Variants in LRFN2 observed in about 807,000 individuals in gnomAD.
LRFN2 encodes leucine rich repeat and fibronectin type III domain containing 2, also known as leucine-rich repeat and fibronectin type-III domain-containing protein 2.
A neutral mutation model predicts 37.3 loss-of-function variants in LRFN2; 18 were observed. The observed-to-expected ratio is 0.48, with a 90% CI of 0.33 to 0.72. LRFN2 has a LOEUF of 0.72. Among genes scored for constraint, LRFN2 ranks in the 30% least tolerant of loss-of-function variants. The pLI, the probability that LRFN2 is intolerant of heterozygous loss-of-function variation, is 0.02. For missense variants in LRFN2, 1,006 were observed against 1,060.7 expected (o/e 0.95, Z 0.72); for synonymous variants, 556 against 466.6 (o/e 1.19, Z -2.47).
At chr6:40,532,363 T>A (rs1169709824) in intron 1 of LRFN2, among the ~76,000 whole-genome samples, 1 of 152,244 alleles carries the variant, frequency 6.6e-6, no homozygotes, top group Non-Finnish European at 1.5e-5. Context: ...CTAATAGCTA[T>A]TTGTTTTATA....
rs191252714 is a variant in LRFN2 at position 40,582,266 on chromosome 6, C to T, written c.-19+4675G>A. ...TGCTTCTTTAGGTTGTTTCTGGGCA[C>T]GTGAACTGTAGCTTAGCTCCTGCTG... On this transcript the variant is annotated intron_variant, in intron 1 of 2. Coordinates refer to ENST00000338305, the MANE Select transcript of LRFN2 (RefSeq NM_020737.3). Among the ~76,000 whole-genome samples the T allele has an allele frequency of 3.8e-3, 577 of 151,974 alleles. 3 individuals are homozygous for T. The highest frequency in any genetic ancestry group is 0.012 in the African/African-American group (514 of 41,490).
chr6:40,470,690 C>A (rs553510220), intron 1 of LRFN2, among the ~76,000 whole-genome samples: 2 of 152,182 alleles, frequency 1.3e-5, no homozygotes, highest in Non-Finnish European at 2.9e-5. Flanking sequence ...GGCAGAGCAG[C>A]CAGTGGTGAG....
intron 1 of LRFN2, among the ~76,000 whole-genome samples, chr6:40,493,546 C>G (rs1470112154): frequency 6.6e-6 from 1 of 152,174 alleles, no homozygotes; most frequent in East Asian, 1.9e-4. Flanking sequence ...CTGTCTAGCA[C>G]CCACACTACA....
intron 1 of LRFN2, among the ~76,000 whole-genome samples, chr6:40,481,546 G>A (rs1764833560): frequency 6.6e-6 from 1 of 152,134 alleles, no homozygotes; most frequent in Non-Finnish European, 1.5e-5. Flanking sequence ...CTATCTCGGG[G>A]ATCAGAATCA....
rs533441286 is a variant in LRFN2 at position 40,574,203 on chromosome 6, T to C, written c.-19+12738A>G. Among the ~76,000 whole-genome samples, 5 of 152,332 alleles carry C rather than the reference T, an allele frequency of 3.3e-5. No homozygotes were observed. The East Asian group carries it at 5.8e-4, about 18-fold the overall frequency. ...ACAAACACTTTAATAACATATGCCA[T>C]GTGCCAGGTGCTGTAGCATTTTGTA... is the stretch of plus-strand genomic sequence containing the variant. On this transcript the variant is annotated intron_variant, in intron 1 of 2. Transcript: ENST00000338305.
intron 1 of LRFN2, among the ~76,000 whole-genome samples, chr6:40,545,027 C>A (rs563877164): frequency 1.3e-5 from 2 of 152,218 alleles, no homozygotes; most frequent in African/African-American, 4.8e-5. Flanking sequence ...AGTGGCTGAC[C>A]CAGGGTCAGT....
chr6:40,414,063 G>A (rs1763038984), intron 2 of LRFN2, among the ~76,000 whole-genome samples: 1 of 152,242 alleles, frequency 6.6e-6, no homozygotes, highest in Non-Finnish European at 1.5e-5. Flanking sequence ...GGGAGGAAGA[G>A]GAACAGGCAG....
intron 1 of LRFN2, chr6:40,502,298 A>G (rs1765402802): frequency 6.6e-6 from 1 of 152,234 alleles, no homozygotes; most frequent in Non-Finnish European, 1.5e-5. Context: ...ACCCAGAGCC[A>G]GGGTGGTGTA....
At chr6:40,393,675 G>A (rs1010290377) in intron 2 of LRFN2, among the ~76,000 whole-genome samples, 1 of 152,170 alleles carries the variant, frequency 6.6e-6, no homozygotes, top group African/African-American at 2.4e-5. Flanking sequence ...AGTCAGGTCA[G>A]CCCTGACCCT....
At chr6:40,505,699 G>C (rs995852633) in intron 1 of LRFN2, among the ~76,000 whole-genome samples, 1 of 152,166 alleles carries the variant, frequency 6.6e-6, no homozygotes, top group Non-Finnish European at 1.5e-5. Context: ...TAGGGCAGGG[G>C]CCTCTAGGGT....
chr6:40,396,038 A>G (rs1412929913), intron 2 of LRFN2, among the ~76,000 whole-genome samples: 1 of 151,518 alleles, frequency 6.6e-6, no homozygotes, highest in Non-Finnish European at 1.5e-5. Flanking sequence ...TTCTCCTGGG[A>G]AGCAGATCAC....
At chr6:40,502,169 C>T (rs955849846) in intron 1 of LRFN2, 7 of 152,250 alleles carry the variant, frequency 4.6e-5, no homozygotes, top group Non-Finnish European at 1.0e-4. Context: ...AGGGGAGTGT[C>T]ATTATCCCCA....
At chr6:40,586,248 G>C (rs984541433) in intron 1 of LRFN2, among the ~76,000 whole-genome samples, 7 of 152,140 alleles carry the variant, frequency 4.6e-5, no homozygotes, top group African/African-American at 1.7e-4. Context: ...CTTAGAACCA[G>C]GGCAGGGCTG....
In LRFN2 at chr6:40,581,956, T is replaced by C. The variant is rs182997491; in HGVS notation, c.-19+4985A>G. ...TGGGGGACCCCCTGGCTTCTTTGAC[T>C]AAAGCCGCCTTAACAGGAGAATGAA... On this transcript the variant is annotated intron_variant, in intron 1 of 2. Transcript: ENST00000338305. Among the ~76,000 whole-genome samples, 17 of 152,300 alleles carry C rather than the reference T, an allele frequency of 1.1e-4. No individual in the cohort carries two copies. In the East Asian group the frequency reaches 3.3e-3, roughly 29 times the overall value.
rs536692883 is a variant in LRFN2 at position 40,563,830 on chromosome 6, T to G, written c.-19+23111A>C. Among the ~76,000 whole-genome samples, 375 of 152,344 alleles carry G rather than the reference T, an allele frequency of 2.5e-3. 2 individuals are homozygous for G. Among genetic ancestry groups the G allele is most frequent in the South Asian group, 7.9e-3 (38 of 4,820 alleles). ...ATAACTTCCCTGTCCTTGTTAGCACTACGATTACCATGGATACCACCCCTT... is the reference window on the plus strand; with the variant it reads ...ATAACTTCCCTGTCCTTGTTAGCACGACGATTACCATGGATACCACCCCTT... On this transcript the variant is annotated intron_variant, in intron 1 of 2. Coordinates refer to ENST00000338305, the MANE Select transcript of LRFN2 (RefSeq NM_020737.3).
chr6:40,433,891 T>C (rs939027151), intron 1 of LRFN2, among the ~76,000 whole-genome samples: 1 of 152,184 alleles, frequency 6.6e-6, no homozygotes, highest in East Asian at 1.9e-4. Context: ...TCAGCTCTTT[T>C]GGGCTTTAGG....
At position 40,512,376 on chromosome 6, in the gene LRFN2, G is replaced by A. The variant is rs367543850; in HGVS notation, c.-19+74565C>T. 1.5e-3 allele frequency among the ~76,000 whole-genome samples: 223 copies of A among 152,266 alleles called. 2 individuals are homozygous for A. The highest frequency in any genetic ancestry group is 5.1e-3 in the African/African-American group (213 of 41,546). ...GAGTGAGTCTTTTAATCAATAACAT[G>A]TCAAAGTTTAATTAGCAGCGATATT... is the stretch of plus-strand genomic sequence containing the variant. On this transcript the variant is annotated intron_variant, in intron 1 of 2. Transcript: ENST00000338305.
chr6:40,401,813 C>T (rs1762747665), intron 2 of LRFN2, among the ~76,000 whole-genome samples: 1 of 152,180 alleles, frequency 6.6e-6, no homozygotes, highest in African/African-American at 2.4e-5. Flanking sequence ...GCCCCACTAG[C>T]ACCACGCCTT....
At chr6:40,528,803 C>T (rs1766300648) in intron 1 of LRFN2, among the ~76,000 whole-genome samples, 1 of 152,180 alleles carries the variant, frequency 6.6e-6, no homozygotes. Context: ...TTCTCCCTTT[C>T]TAGGGCACAG....
Sources: gnomAD v4.1 joint callset for allele counts (sites outside exome capture counted in the v4.1 genomes callset) on GRCh38, gnomAD v4.1.1 for gene constraint, MANE v1.5 for transcripts, NCBI Gene and HGNC (gene_info 2026-07-23, HGNC 2026-07-21) for gene names.